Variants in DMXL2 observed in about 807,000 individuals in gnomAD.
DMXL2 encodes Dmx like 2.
A neutral mutation model predicts 331.1 loss-of-function variants in DMXL2; 103 were observed. The observed-to-expected ratio is 0.31, with a 90% confidence interval of 0.27 to 0.37. The LOEUF is 0.37. DMXL2 is among the 10% of genes least tolerant of loss of function. The pLI is 1.00. For missense variants in DMXL2, 3,171 were observed against 3,642.9 expected (o/e 0.87, Z 3.33); for synonymous variants, 1,281 against 1,252.1 (o/e 1.02, Z -0.49).
At chr15:51,478,238 G>A (rs551453416) in intron 26 of DMXL2, 33 bp downstream of exon 26, 3 of 1,538,166 alleles carry the variant, frequency 2.0e-6, no homozygotes, top group Non-Finnish European at 2.7e-6. Flanking sequence ...TGTTTTTGCT[G>A]TATTAATACT....
At chr15:51,515,225 A>G (rs937588131) in intron 14 of DMXL2, among the ~76,000 whole-genome samples, 1 of 152,148 alleles carries the variant, frequency 6.6e-6, no homozygotes, top group Non-Finnish European at 1.5e-5. Context: ...GCTACTTAGA[A>G]CCTTAACAGG....
At chr15:51,594,064 T>A (rs1317560068) in intron 1 of DMXL2, among the ~76,000 whole-genome samples, 1 of 151,680 alleles carries the variant, frequency 6.6e-6, no homozygotes, top group Admixed American at 6.6e-5. Flanking sequence ...ATAACTAAGA[T>A]CAGAGCAGAA....
At chr15:51,573,875 A>C (rs1021341021) in intron 2 of DMXL2, among the ~76,000 whole-genome samples, 11 of 152,184 alleles carry the variant, frequency 7.2e-5, no homozygotes, top group South Asian at 2.1e-4. Context: ...GGAAAAAATC[A>C]TATTTTTCAT....
intron 18 of DMXL2, 106 bp downstream of exon 18, chr15:51,498,446 C>A: frequency 2.5e-6 from 3 of 1,186,968 alleles, no homozygotes; most frequent in African/African-American, 1.5e-5. Flanking sequence ...CTTTTCCCTG[C>A]AAAGTTTGAA....
At chr15:51,612,549 G>T (rs534311175) in intron 1 of DMXL2, among the ~76,000 whole-genome samples, 2 of 152,110 alleles carry the variant, frequency 1.3e-5, no homozygotes, top group African/African-American at 4.8e-5. Context: ...CCCCCAAGCC[G>T]CAAAACCAGC....
intron 15 of DMXL2, among the ~76,000 whole-genome samples, chr15:51,508,371 T>C (rs1175700850): frequency 1.3e-5 from 2 of 152,188 alleles, no homozygotes; most frequent in African/African-American, 4.8e-5. Flanking sequence ...GATTCCATTC[T>C]TGCAAAGGAC....
In DMXL2 at chr15:51,464,737, C is replaced by G. The variant is rs368042895; in HGVS notation, c.7746G>C (p.Val2582=). The G allele has an allele frequency of 5.0e-6, 8 of 1,613,926 alleles. No homozygotes were observed. Among genetic ancestry groups the G allele is most frequent in the East Asian group, 2.2e-5 (1 of 44,874 alleles). The change falls in exon 32 of 44, where the codon GTG becomes GTC. Residue 2582 remains valine, a synonymous_variant. Coordinates refer to ENST00000560891, the MANE Select transcript of DMXL2 (RefSeq NM_001378457.1). ...YINTYPTDLS[V]GAGPAILRNK... ...TTCGAAGAATAGCTGGTCCAGCTCCCACTGAAAGGTCAGTTGGATATGTGT... is the reference window on the plus strand; with the variant it reads ...TTCGAAGAATAGCTGGTCCAGCTCCGACTGAAAGGTCAGTTGGATATGTGT...
chr15:51,502,743 A>C, intron 17 of DMXL2, 63 bp downstream of exon 17: 1 of 1,057,764 alleles, frequency 9.5e-7, no homozygotes. Flanking sequence ...TATTTTATCC[A>C]CTAAAGAGTT....
At chr15:51,586,595 T>C (rs545495732) in intron 1 of DMXL2, among the ~76,000 whole-genome samples, 40 of 150,228 alleles carry the variant, frequency 2.7e-4, no homozygotes, top group Non-Finnish European at 5.3e-4. Flanking sequence ...AAAAAAAAAC[T>C]AGCCAATTTT....
At chr15:51,514,331 T>C (rs2046911682) in intron 15 of DMXL2, 111 bp downstream of exon 15, 1 of 645,006 alleles carries the variant, frequency 1.6e-6, no homozygotes, top group East Asian at 3.0e-5. Flanking sequence ...AACTGGTGAA[T>C]CTGTCAAAAA....
At chr15:51,492,004 T>C (rs1457435635) in intron 19 of DMXL2, among the ~76,000 whole-genome samples, 1 of 152,190 alleles carries the variant, frequency 6.6e-6, no homozygotes, top group Non-Finnish European at 1.5e-5. Flanking sequence ...ATAGGGACAC[T>C]AAAACTTAAT....
At chr15:51,591,918 G>A (rs995552752) in intron 1 of DMXL2, among the ~76,000 whole-genome samples, 2 of 152,078 alleles carry the variant, frequency 1.3e-5, no homozygotes, top group Non-Finnish European at 1.5e-5. Flanking sequence ...CCATCTGTAC[G>A]TCACCATCAT....
intron 1 of DMXL2, among the ~76,000 whole-genome samples, chr15:51,578,074 G>C (rs1033261074): frequency 2.0e-5 from 3 of 152,118 alleles, no homozygotes; most frequent in African/African-American, 7.2e-5. Context: ...CCATGACAGA[G>C]ACAGTCATAA....
At chr15:51,560,043 A>G (rs879803969) in intron 6 of DMXL2, among the ~76,000 whole-genome samples, 1 of 152,234 alleles carries the variant, frequency 6.6e-6, no homozygotes, top group East Asian at 1.9e-4. Context: ...TGGCAGATCA[A>G]TGGAAAAAGA....
chr15:51,480,184 T>G, intron 24 of DMXL2, 45 bp from the exon 25 acceptor site: 1 of 1,452,002 alleles, frequency 6.9e-7, no homozygotes, highest in Non-Finnish European at 9.2e-7. Flanking sequence ...GTTTAAAAAA[T>G]TTTATCAGTT....
At chr15:51,456,395 T>C in intron 37 of DMXL2, 26 bp from the exon 38 acceptor site, 1 of 1,376,968 alleles carries the variant, frequency 7.3e-7, no homozygotes, top group South Asian at 1.3e-5. Context: ...TTAAAAATTT[T>C]ATTTTGTGTA....
At position 51,563,887 on chromosome 15, in the gene DMXL2, T is replaced by A. The variant is rs144840123; in HGVS notation, c.500+238A>T. Among the ~76,000 whole-genome samples, 14 of 152,224 alleles carry A rather than the reference T, an allele frequency of 9.2e-5. No individual in the cohort carries two copies. The East Asian group carries it at 2.5e-3, about 27-fold the overall frequency. ...ATGAGTATTTCCTATGTATCAACCC[T>A]GTCAACTCCTGTCCTGGGGCTATAA... On this transcript the variant is annotated intron_variant, in intron 5 of 43. Coordinates refer to ENST00000560891, the MANE Select transcript of DMXL2 (RefSeq NM_001378457.1).
In DMXL2 at chr15:51,499,039, G is replaced by C; in HGVS notation, c.4185C>G (p.Leu1395=). 1.2e-6 allele frequency: 2 copies of C among 1,613,906 alleles called. No homozygotes were observed. The highest frequency in any genetic ancestry group is 1.1e-5 in the South Asian group (1 of 91,084). ...PDAGEGTKRH[L]SRTISVSGST... ...TGCCACTTACACTAATAGTTCGAGA[G>C]AGATGTCGCTTAGTTCCTTCTCCAG... is the stretch of plus-strand genomic sequence containing the variant. Residue 1395 remains leucine, a synonymous_variant, in exon 18 of 44, where the codon CTC becomes CTG. Transcript: ENST00000560891.
intron 28 of DMXL2, among the ~76,000 whole-genome samples, chr15:51,473,994 G>A (rs912604976): frequency 7.5e-5 from 11 of 146,872 alleles, no homozygotes; most frequent in South Asian, 2.1e-4. Context: ...AGAACTATCC[G>A]TTTTGTTTTT....
Sources: gnomAD v4.1 joint callset for allele counts (sites outside exome capture counted in the v4.1 genomes callset) on GRCh38, gnomAD v4.1.1 for gene constraint, MANE v1.5 for transcripts, NCBI Gene and HGNC (gene_info 2026-07-23, HGNC 2026-07-21) for gene names.